The following RELN variants were observed in gnomAD, a reference collection of about 807,000 sequenced individuals.
The protein encoded by RELN is reelin.
In RELN, 108 loss-of-function variants were observed where a neutral mutation model predicts 427.6. The observed-to-expected ratio is 0.25, with a 90% confidence interval of 0.22 to 0.30. The LOEUF (loss-of-function observed/expected upper bound fraction) is 0.30, where lower values mean the gene tolerates loss of function less well. Among genes scored for constraint, RELN ranks in the 10% least tolerant of loss-of-function variants. The probability of loss-of-function intolerance (pLI) is 1.00; values close to 1 mark genes in which losing one functional copy is unlikely to be tolerated. For missense variants in RELN, 3,715 were observed against 4,302.8 expected, an observed-to-expected ratio of 0.86 and a Z score of 3.82; for synonymous variants, 1,524 against 1,513.4, an observed-to-expected ratio of 1.01 and a Z score of -0.16.
chr7:103,545,177 G>A lies in RELN; in HGVS notation c.6470C>T (p.Pro2157Leu), dbSNP rs1412766990. 3.7e-6 allele frequency: 6 copies of A among 1,613,978 alleles called. No individual in the cohort carries two copies. In the African/African-American group the frequency reaches 4.0e-5, roughly 11 times the overall value. ...ATTTTTGGTGCTTATTTTACAGGTT[G>A]GACCTGAGTAGCCAGGGTCACATAT... ...KCICDPGYSG[P>L]TCKISTKNPD... Residue 2157 changes from proline to leucine, a missense_variant, in exon 42 of 65, where the codon CCA (proline) becomes CTA (leucine). Pro to Leu is a moderately conservative substitution (Grantham distance 98, BLOSUM62 -3). Around this residue, in one of 4 missense-constraint regions of RELN, gnomAD observed 1,310 missense variants for 1,643.0 expected, o/e 0.80. Transcript: ENST00000428762.
At chr7:103,708,195 A>G (rs1033397311) in intron 8 of RELN, among the ~76,000 whole-genome samples, 2 of 152,226 alleles carry the variant, frequency 1.3e-5, no homozygotes, top group East Asian at 3.9e-4. Context: ...AGGAAGCCAG[A>G]CCAAGATGAT....
In RELN at chr7:103,590,763, T is replaced by A. The variant is rs867264380; in HGVS notation, c.3913-935A>T. Among the ~76,000 whole-genome samples, 6 of 152,258 alleles carry A rather than the reference T, an allele frequency of 3.9e-5. No individual in the cohort carries two copies. The South Asian group carries it at 1.2e-3, about 32-fold the overall frequency. ...TTTAAAAAATGGTAAAAATACAACT[T>A]AAATCCCACTGGCCTATCATAACTG... On this transcript the variant is annotated intron_variant, in intron 27 of 64. Transcript: ENST00000428762.
At chr7:103,665,530 A>G (rs868154000) in intron 11 of RELN, among the ~76,000 whole-genome samples, 19 of 152,236 alleles carry the variant, frequency 1.2e-4, no homozygotes, top group South Asian at 6.2e-4. Flanking sequence ...AGTTCTATTA[A>G]AAACCCTACT....
chr7:103,812,821 A>G (rs748430374), intron 3 of RELN, among the ~76,000 whole-genome samples: 7 of 152,150 alleles, frequency 4.6e-5, no homozygotes, highest in Admixed American at 2.0e-4. Flanking sequence ...TCAAGCTTCT[A>G]TCTAATTTTC....
At chr7:103,937,780 G>A (rs948157205) in intron 1 of RELN, among the ~76,000 whole-genome samples, 1 of 152,116 alleles carries the variant, frequency 6.6e-6, no homozygotes, top group East Asian at 1.9e-4. Context: ...TGTTAAAATG[G>A]TCTCATCTTA....
At chr7:103,720,469 T>C (rs1429137240) in intron 8 of RELN, among the ~76,000 whole-genome samples, 1 of 152,094 alleles carries the variant, frequency 6.6e-6, no homozygotes, top group African/African-American at 2.4e-5. Flanking sequence ...GCTTGAATCA[T>C]TGTGTTATAC....
intron 3 of RELN, among the ~76,000 whole-genome samples, chr7:103,804,499 T>C (rs1014205543): frequency 2.0e-5 from 3 of 152,116 alleles, no homozygotes; most frequent in African/African-American, 7.2e-5. Flanking sequence ...GCAGCGACAA[T>C]GCATATATTA....
intron 53 of RELN, among the ~76,000 whole-genome samples, chr7:103,498,950 T>C (rs1209129808): frequency 1.3e-5 from 2 of 152,144 alleles, no homozygotes; most frequent in African/African-American, 2.4e-5. Context: ...AGATAAAATA[T>C]AAACATGCAA....
intron 1 of RELN, among the ~76,000 whole-genome samples, chr7:103,969,887 C>T (rs1196380993): frequency 6.6e-6 from 1 of 152,094 alleles, no homozygotes; most frequent in Non-Finnish European, 1.5e-5. Context: ...AAGTTGAGTA[C>T]CTTTAAAGAA....
chr7:103,967,411 G>C (rs1373032811), intron 1 of RELN, among the ~76,000 whole-genome samples: 1 of 152,130 alleles, frequency 6.6e-6, no homozygotes, highest in Non-Finnish European at 1.5e-5. Context: ...ATGAAGTATA[G>C]TGATTTAGGT....
At chr7:103,692,746 C>A (rs1036413768) in intron 10 of RELN, among the ~76,000 whole-genome samples, 2 of 152,002 alleles carry the variant, frequency 1.3e-5, no homozygotes, top group African/African-American at 4.8e-5. Context: ...GCTGCCACAG[C>A]AAATTTGAAT....
At chr7:103,645,713 C>T (rs1463222139) in intron 16 of RELN, among the ~76,000 whole-genome samples, 2 of 151,632 alleles carry the variant, frequency 1.3e-5, no homozygotes, top group Non-Finnish European at 3.0e-5. Context: ...CTGACAGCAC[C>T]ATACAGATCA....
chr7:103,527,151 A>G (rs780112884), intron 46 of RELN, among the ~76,000 whole-genome samples: 1 of 152,190 alleles, frequency 6.6e-6, no homozygotes, highest in Non-Finnish European at 1.5e-5. Flanking sequence ...TTCACTACAC[A>G]TTACAGAGTC....
At chr7:103,935,497 G>T (rs1795961868) in intron 1 of RELN, among the ~76,000 whole-genome samples, 1 of 151,794 alleles carries the variant, frequency 6.6e-6, no homozygotes, top group Non-Finnish European at 1.5e-5. Flanking sequence ...CAACCCTAAA[G>T]GCCAGTATTA....
At chr7:103,715,016 G>A (rs1562968520) in intron 8 of RELN, among the ~76,000 whole-genome samples, 1 of 152,158 alleles carries the variant, frequency 6.6e-6, no homozygotes, top group Non-Finnish European at 1.5e-5. Context: ...TATGTCCAAA[G>A]TTTTTGGTCA....
intron 2 of RELN, among the ~76,000 whole-genome samples, chr7:103,904,963 T>C (rs529179332): frequency 6.8e-6 from 1 of 148,006 alleles, no homozygotes; most frequent in African/African-American, 2.5e-5. Flanking sequence ...GCCAATCCCT[T>C]GAAGTTCTTT....
At chr7:103,887,280 G>C (rs977888765) in intron 2 of RELN, among the ~76,000 whole-genome samples, 10 of 152,188 alleles carry the variant, frequency 6.6e-5, no homozygotes, top group Non-Finnish European at 1.3e-4. Context: ...CAGTGACACG[G>C]AAGTGAGGAT....
Position 103,931,767 on chromosome 7 carries a change from C to A in RELN, c.227-14582G>T, listed in dbSNP as rs6978991. 4.5e-3 allele frequency among the ~76,000 whole-genome samples: 690 copies of A among 152,110 alleles called. 3 individuals are homozygous for A. The highest frequency in any genetic ancestry group is 0.015 in the African/African-American group (639 of 41,514). ...ACTTCTGCCTCTTCCCTTAGTCCTA[C>A]CCAAAAGTCTCCAATATGCTTCCAC... On this transcript the variant is annotated intron_variant, in intron 1 of 64. Transcript: ENST00000428762.
Position 103,472,744 on chromosome 7 carries a change from G to T in RELN, c.*68C>A. The T allele has an allele frequency of 8.1e-7, 1 of 1,231,394 alleles. No homozygotes were observed. The highest frequency in any genetic ancestry group is 1.2e-6 in the Non-Finnish European group (1 of 835,120). The allele number at this position is 1,231,394 out of a possible 1,614,324, so 76.3% of individuals were successfully genotyped here. ...GATATTTCCTGATATCAGATGTAGTGCGAGATTTAAAAGAATGGAGAGCAA... is the reference window on the plus strand; with the variant it reads ...GATATTTCCTGATATCAGATGTAGTTCGAGATTTAAAAGAATGGAGAGCAA... On this transcript the variant is annotated 3_prime_UTR_variant, in exon 65 of 65. Transcript: ENST00000428762.
Sources: gnomAD v4.1 joint callset for allele counts (sites outside exome capture counted in the v4.1 genomes callset) on GRCh38, gnomAD v4.1.1 for gene constraint, gnomAD v4.1.1 regional missense constraint, MANE v1.5 for transcripts, NCBI Gene and HGNC (gene_info 2026-07-23, HGNC 2026-07-21) for gene names.